ZBTB20: variants seen among roughly 807,000 people sequenced by gnomAD.
ZBTB20 encodes zinc finger and BTB domain containing 20.
Under a neutral mutation model 56.9 loss-of-function variants are expected in ZBTB20, and 9 were observed. That is an observed-to-expected ratio of 0.16 (90% CI 0.10 to 0.28). The LOEUF (loss-of-function observed/expected upper bound fraction) is 0.28. Among genes scored for constraint, ZBTB20 ranks in the 10% least tolerant of loss-of-function variants. ZBTB20 has a pLI of 1.00. For synonymous variants in ZBTB20, 417 were observed against 420.7 expected, an observed-to-expected ratio of 0.99 and a Z score of 0.11; for missense variants, 655 against 1,003.0, an observed-to-expected ratio of 0.65 and a Z score of 4.69.
intron 6 of ZBTB20, chr3:114,519,134 G>C (rs1379379551): frequency 6.6e-6 from 1 of 152,150 alleles, no homozygotes; most frequent in African/African-American, 2.4e-5. Flanking sequence ...CCCACTCTAA[G>C]GCAGGCTCAG....
intron 5 of ZBTB20, among the ~76,000 whole-genome samples, chr3:114,787,370 C>CATACACAT (rs1553821545): frequency 2.6e-5 from 3 of 114,438 alleles, no homozygotes; most frequent in African/African-American, 8.3e-5. Flanking sequence ...TATATATATA[C>CATACACAT]ACACACACAC....
At chr3:114,923,066 G>A (rs2076020199) in intron 3 of ZBTB20, among the ~76,000 whole-genome samples, 1 of 152,142 alleles carries the variant, frequency 6.6e-6, no homozygotes, top group Admixed American at 6.5e-5. Context: ...AGACACTGAT[G>A]AAAGAAACTG....
chr3:114,837,711 G>A (rs1159468136), intron 4 of ZBTB20, among the ~76,000 whole-genome samples: 2 of 152,044 alleles, frequency 1.3e-5, no homozygotes, highest in African/African-American at 4.8e-5. Flanking sequence ...CCTTGGAAGT[G>A]ACATCCTATC....
intron 7 of ZBTB20, among the ~76,000 whole-genome samples, chr3:114,457,078 T>G (rs2092065291): frequency 6.6e-6 from 1 of 152,196 alleles, no homozygotes; most frequent in Non-Finnish European, 1.5e-5. Flanking sequence ...GTGATTTTGA[T>G]AATGGCAGAT....
chr3:114,716,290 T>C (rs2064476490), intron 5 of ZBTB20, among the ~76,000 whole-genome samples: 1 of 152,192 alleles, frequency 6.6e-6, no homozygotes, highest in Admixed American at 6.5e-5. Flanking sequence ...CCATTTGCTA[T>C]TCAAATCAGA....
intron 6 of ZBTB20, among the ~76,000 whole-genome samples, chr3:114,679,290 T>C (rs1331876592): frequency 6.6e-6 from 1 of 152,172 alleles, no homozygotes; most frequent in East Asian, 1.9e-4. Flanking sequence ...AAATGGGATC[T>C]AATTAAACTA....
intron 6 of ZBTB20, among the ~76,000 whole-genome samples, chr3:114,677,510 T>C (rs1460540749): frequency 6.6e-6 from 1 of 152,080 alleles, no homozygotes; most frequent in Non-Finnish European, 1.5e-5. Context: ...ACACTCCTTA[T>C]GAGAATCTAA....
At chr3:114,736,297 C>T (rs554654626) in intron 5 of ZBTB20, among the ~76,000 whole-genome samples, 1 of 152,226 alleles carries the variant, frequency 6.6e-6, no homozygotes, top group African/African-American at 2.4e-5. Context: ...ACATAAAAAG[C>T]TCTCAGTAAA....
At chr3:114,962,287 C>T (rs1045255495) in intron 3 of ZBTB20, among the ~76,000 whole-genome samples, 2 of 151,992 alleles carry the variant, frequency 1.3e-5, no homozygotes, top group African/African-American at 2.4e-5. Context: ...ATACAACAAC[C>T]ATACACAAAA....
chr3:114,407,008 A>G (rs1559748330), intron 7 of ZBTB20, among the ~76,000 whole-genome samples: 1 of 152,108 alleles, frequency 6.6e-6, no homozygotes, highest in Non-Finnish European at 1.5e-5. Context: ...GTTTTACAGG[A>G]ATACACTTTT....
At chr3:115,122,581 A>T (rs2084213121) in intron 1 of ZBTB20, among the ~76,000 whole-genome samples, 1 of 152,054 alleles carries the variant, frequency 6.6e-6, no homozygotes, top group African/African-American at 2.4e-5. Flanking sequence ...TTCAGTCAAA[A>T]TGTGTCACAG....
intron 4 of ZBTB20, among the ~76,000 whole-genome samples, chr3:114,881,404 T>A (rs1343122920): frequency 6.6e-6 from 1 of 152,036 alleles, no homozygotes; most frequent in Non-Finnish European, 1.5e-5. Flanking sequence ...CTTTCACATT[T>A]TGATTTCATT....
chr3:115,088,174 T>C (rs1162722922), intron 1 of ZBTB20, among the ~76,000 whole-genome samples: 2 of 151,950 alleles, frequency 1.3e-5, no homozygotes, highest in African/African-American at 4.8e-5. Context: ...ATTCATGCTC[T>C]GCTGCTAAAG....
chr3:114,365,290 A>T (rs1247555920), intron 10 of ZBTB20, among the ~76,000 whole-genome samples: 2 of 152,108 alleles, frequency 1.3e-5, no homozygotes, highest in African/African-American at 4.8e-5. Context: ...TCATTCATTT[A>T]ATCCTCTATT....
In ZBTB20 at chr3:114,384,100, TTCTCTCTCTC is replaced by T. The variant is rs57746371; in HGVS notation, c.-153-3170_-153-3161del. On this transcript the variant is annotated intron_variant, in intron 8 of 11. Coordinates refer to ENST00000675478, the MANE Select transcript of ZBTB20 (RefSeq NM_001348800.3). ...TCAGTCTCTTTCTTTTCAGTTCTCA[TTCTCTCTCTC>T]TCTCTCTCTCTCTCTCTCATTCTCT... 2.0e-3 allele frequency among the ~76,000 whole-genome samples: 283 copies of T among 139,344 alleles called. 2 individuals carry two copies. Among genetic ancestry groups the T allele is most frequent in the South Asian group, 0.014 (58 of 4,240 alleles). 91.4% of individuals were successfully genotyped at this position (139,344 alleles called of 152,430 possible). A position where few individuals can be genotyped will look rare whatever the true frequency, so the allele number is the denominator to read the frequency against.
intron 6 of ZBTB20, among the ~76,000 whole-genome samples, chr3:114,551,323 G>A (rs1222383234): frequency 1.3e-5 from 2 of 152,192 alleles, no homozygotes; most frequent in Non-Finnish European, 2.9e-5. Flanking sequence ...CTAAGACACA[G>A]TATTAAAGTT....
chr3:114,519,374 T>C (rs984297098), intron 6 of ZBTB20, among the ~76,000 whole-genome samples: 4 of 152,240 alleles, frequency 2.6e-5, no homozygotes, highest in African/African-American at 7.2e-5. Flanking sequence ...AGTTTATCCA[T>C]GTCTGCTCAG....
chr3:114,930,622 C>CA (rs2076322442), intron 3 of ZBTB20: 1 of 164,876 alleles, frequency 6.1e-6, no homozygotes, highest in Non-Finnish European at 1.3e-5. Flanking sequence ...GGAGCAGTGG[C>CA]AAGGGCGACC....
chr3:114,474,763 A>G (rs544413883), intron 7 of ZBTB20, among the ~76,000 whole-genome samples: 1 of 152,240 alleles, frequency 6.6e-6, no homozygotes, highest in African/African-American at 2.4e-5. Flanking sequence ...CCCCAAATAT[A>G]ATGGATTAAT....
Sources: allele counts gnomAD v4.1 joint callset (sites outside exome capture counted in the v4.1 genomes callset), GRCh38; gene constraint gnomAD v4.1.1; transcripts MANE v1.5; gene names NCBI Gene and HGNC (gene_info 2026-07-23, HGNC 2026-07-21).